Variants in DMXL2 observed in about 807,000 individuals in gnomAD.
DMXL2 encodes the protein Dmx like 2, also known as dmX-like protein 2.
A neutral mutation model predicts 331.1 loss-of-function variants in DMXL2; 103 were observed. The ratio of observed to expected loss-of-function variants is 0.31; its 90% CI spans 0.27 to 0.37. DMXL2 has a LOEUF of 0.37. Among genes scored for constraint, DMXL2 ranks in the 10% least tolerant of loss-of-function variants. DMXL2 has a pLI of 1.00. For synonymous variants in DMXL2, 1,281 were observed against 1,252.1 expected, an observed-to-expected ratio of 1.02 and a Z score of -0.49; for missense variants, 3,171 against 3,642.9, an observed-to-expected ratio of 0.87 and a Z score of 3.33.
intron 2 of DMXL2, among the ~76,000 whole-genome samples, chr15:51,570,382 C>A (rs1174656985): frequency 6.6e-6 from 1 of 152,050 alleles, no homozygotes; most frequent in Non-Finnish European, 1.5e-5. Flanking sequence ...GGATATTATC[C>A]AGGAGAGTTT....
At position 51,537,496 on chromosome 15, in the gene DMXL2, G is replaced by C; in HGVS notation, c.1609C>G (p.Gln537Glu). 6 of 1,609,708 alleles carry C rather than the reference G, an allele frequency of 3.7e-6. No homozygotes were observed. Among genetic ancestry groups the C allele is most frequent in the Non-Finnish European group, 5.1e-6 (6 of 1,176,948 alleles). ...TCATCAATAAAATATACCTGAACTT[G>C]TCTAAATATTCCAGGATTATATTCA... ...LDEYNPGIFR[Q>E]VQVSFSSRIP... is the part of the protein sequence containing the mutation. Residue 537 changes from glutamine (Q) to glutamate (E), a missense_variant, in exon 11 of 44, where the codon CAA (glutamine) becomes GAA (glutamate). Physicochemically the swap from Gln to Glu is conservative, Grantham distance 29 (BLOSUM62 2). Coordinates refer to ENST00000560891, the MANE Select transcript of DMXL2 (RefSeq NM_001378457.1).
chr15:51,509,972 T>C (rs916623564), intron 15 of DMXL2, among the ~76,000 whole-genome samples: 1 of 152,116 alleles, frequency 6.6e-6, no homozygotes, highest in African/African-American at 2.4e-5. Flanking sequence ...ATTATCTCAA[T>C]AGATACAGAA....
At chr15:51,546,807 C>T (rs2048917012) in intron 7 of DMXL2, among the ~76,000 whole-genome samples, 1 of 152,054 alleles carries the variant, frequency 6.6e-6, no homozygotes, top group Admixed American at 6.6e-5. Flanking sequence ...ACACCATATA[C>T]ATAATTGACA....
intron 17 of DMXL2, among the ~76,000 whole-genome samples, chr15:51,501,113 TG>T (rs2043563000): frequency 6.6e-6 from 1 of 152,190 alleles, no homozygotes; most frequent in African/African-American, 2.4e-5. Flanking sequence ...TCAAATATTT[TG>T]AAAGATTAAC....
intron 15 of DMXL2, among the ~76,000 whole-genome samples, chr15:51,512,816 G>GAAA (rs201329133): frequency 0.012 from 1,591 of 129,508 alleles, 21 homozygotes; most frequent in East Asian, 0.023. Context: ...CTCTGTCTCG[G>GAAA]AAAAAAAAAA....
chr15:51,605,838 C>T lies in DMXL2; in HGVS notation c.87+16621G>A, dbSNP rs1217776457. ...GATTACAGGCGTGAGCCACCGCGCC[C>T]GGCCCCAGATTAATATTCTTAATGA... is the stretch of plus-strand genomic sequence containing the variant. On this transcript the variant is annotated intron_variant, in intron 1 of 43. Transcript: ENST00000560891. Among the ~76,000 whole-genome samples the T allele has an allele frequency of 7.3e-5, 11 of 150,402 alleles. 4 individuals carry two copies. Among genetic ancestry groups the T allele is most frequent in the African/African-American group, 1.5e-4 (6 of 40,818 alleles).
intron 43 of DMXL2, 83 bp from the exon 44 acceptor site, chr15:51,449,276 G>A (rs919314744): frequency 7.1e-7 from 1 of 1,403,918 alleles, no homozygotes; most frequent in African/African-American, 1.4e-5. Context: ...CTTGGCCCAA[G>A]TGATCTCACT....
intron 7 of DMXL2, among the ~76,000 whole-genome samples, 162 bp downstream of exon 7, chr15:51,547,068 A>G (rs780753634): frequency 2.0e-5 from 3 of 152,174 alleles, no homozygotes; most frequent in Non-Finnish European, 4.4e-5. Flanking sequence ...TAAGAAATTT[A>G]GTCAAAAACT....
Position 51,563,561 on chromosome 15 carries a change from G to A in DMXL2, c.501-114C>T, listed in dbSNP as rs532579514. 1.5e-5 allele frequency: 9 copies of A among 589,324 alleles called. No homozygotes were observed. The Middle Eastern group carries it at 1.1e-3, about 71-fold the overall frequency. The allele number at this position is 589,324 out of a possible 1,614,324, so 36.5% of individuals were successfully genotyped here. A position where few individuals can be genotyped will look rare whatever the true frequency, so the allele number is the denominator to read the frequency against. ...AAGTCAGAATCCTCAGAATAAGACTGTTTTTGCTTCCCTAAAAATATAAAT... is the reference window on the plus strand; with the variant it reads ...AAGTCAGAATCCTCAGAATAAGACTATTTTTGCTTCCCTAAAAATATAAAT... On this transcript the variant is annotated intron_variant, in intron 5 of 43. Coordinates refer to ENST00000560891, the MANE Select transcript of DMXL2 (RefSeq NM_001378457.1).
At chr15:51,604,312 AAAAG>A (rs1456430570) in intron 1 of DMXL2, among the ~76,000 whole-genome samples, 1 of 151,534 alleles carries the variant, frequency 6.6e-6, no homozygotes, top group African/African-American at 2.4e-5. Context: ...GAAAAAAAAA[AAAAG>A]AACACATACA....
At chr15:51,489,195 T>C (rs2140422530) in intron 20 of DMXL2, among the ~76,000 whole-genome samples, 1 of 152,332 alleles carries the variant, frequency 6.6e-6, no homozygotes, top group African/African-American at 2.4e-5. Context: ...TACCTTATTT[T>C]TCCAAGATGC....
At position 51,576,128 on chromosome 15, in the gene DMXL2, T is replaced by A. The variant is rs150073932; in HGVS notation, c.141A>T (p.Val47=). ...CATGCTTAGCACCAGGAATGATCTG[T>A]ACACATTCAAAGTCATTTGCCAAAA... ...IVILANDFEC[V]QIIPGAKHGN... The change falls in exon 2 of 44, where the codon GTA becomes GTT. Residue 47 remains valine, a synonymous_variant. Transcript: ENST00000560891. The A allele has an allele frequency of 1.7e-5, 26 of 1,539,364 alleles. No homozygotes were observed. In the African/African-American group the frequency reaches 2.4e-4, roughly 14 times the overall value.
chr15:51,611,235 G>C (rs896751049), intron 1 of DMXL2, among the ~76,000 whole-genome samples: 2 of 152,128 alleles, frequency 1.3e-5, no homozygotes, highest in Non-Finnish European at 2.9e-5. Flanking sequence ...TGAAGAAAAA[G>C]GGAGAGGCAC....
At chr15:51,485,773 C>G (rs1256094545) in intron 23 of DMXL2, among the ~76,000 whole-genome samples, 1 of 151,778 alleles carries the variant, frequency 6.6e-6, no homozygotes, top group African/African-American at 2.4e-5. Flanking sequence ...TTTTCCAGGC[C>G]CATGTGACAA....
intron 28 of DMXL2, among the ~76,000 whole-genome samples, chr15:51,472,446 G>A (rs940941698): frequency 2.6e-5 from 4 of 152,096 alleles, no homozygotes; most frequent in African/African-American, 9.7e-5. Flanking sequence ...AACATGTCAT[G>A]CAACCACCAC....
intron 43 of DMXL2, 28 bp from the exon 44 acceptor site, chr15:51,449,221 T>C: frequency 6.2e-7 from 1 of 1,610,658 alleles, no homozygotes; most frequent in Non-Finnish European, 8.5e-7. Flanking sequence ...GAGTTAAAAA[T>C]ATATTACGAA....
rs1206715541 is a variant in DMXL2 at position 51,604,256 on chromosome 15, C to T, written c.87+18203G>A. Among the ~76,000 whole-genome samples, 5 of 137,372 alleles carry T rather than the reference C, an allele frequency of 3.6e-5. No individual in the cohort carries two copies. The East Asian group carries it at 8.2e-4, about 23-fold the overall frequency. 90.1% of individuals were successfully genotyped at this position (137,372 alleles called of 152,430 possible). A position where few individuals can be genotyped will look rare whatever the true frequency, so the allele number is the denominator to read the frequency against. On this transcript the variant is annotated intron_variant, in intron 1 of 43. Transcript: ENST00000560891. ...AAGGAATAAAAAAGAATCTTCTCAG[C>T]CTTATAAAGGGCATCTATAAAAAAA...
In DMXL2 at chr15:51,463,224, G is replaced by A. The variant is rs1364818992; in HGVS notation, c.7926+155C>T. 5.9e-6 allele frequency: 3 copies of A among 504,832 alleles called. No individual in the cohort carries two copies. The African/African-American group carries it at 6.1e-5, about 10-fold the overall frequency. 31.3% of individuals were successfully genotyped at this position (504,832 alleles called of 1,614,324 possible). A position where few individuals can be genotyped will look rare whatever the true frequency, so the allele number is the denominator to read the frequency against. ...CATTGCTATGAAATGAAAATTATAAGGTTTTATCTTAAAAGTAGTTCACGG... is the reference window on the plus strand; with the variant it reads ...CATTGCTATGAAATGAAAATTATAAAGTTTTATCTTAAAAGTAGTTCACGG... On this transcript the variant is annotated intron_variant, in intron 33 of 43. Coordinates refer to ENST00000560891, the MANE Select transcript of DMXL2 (RefSeq NM_001378457.1).
At chr15:51,542,888 C>A (rs2048680240) in intron 8 of DMXL2, among the ~76,000 whole-genome samples, 1 of 151,388 alleles carries the variant, frequency 6.6e-6, no homozygotes, top group East Asian at 1.9e-4. Context: ...ATTGCCTCCC[C>A]AATACTGCCT....
Sources: gnomAD v4.1 joint callset for allele counts (sites outside exome capture counted in the v4.1 genomes callset) on GRCh38, gnomAD v4.1.1 for gene constraint, MANE v1.5 for transcripts, NCBI Gene and HGNC (gene_info 2026-07-23, HGNC 2026-07-21) for gene names.